The following SORL1 variants were observed in gnomAD, a reference collection of about 807,000 sequenced individuals.
SORL1 encodes sortilin related receptor 1.
In SORL1, 127 loss-of-function variants were observed where a neutral mutation model predicts 273.7. The observed-to-expected ratio is 0.46, with a 90% confidence interval of 0.40 to 0.54. The LOEUF is 0.54. Ranked by LOEUF, SORL1 falls within the 20% of genes least tolerant of loss-of-function variation. SORL1 has a pLI of 0.00. For synonymous variants in SORL1, 1,031 were observed against 1,067.4 expected, an observed-to-expected ratio of 0.97 and a Z score of 0.66; for missense variants, 2,494 against 2,846.1, an observed-to-expected ratio of 0.88 and a Z score of 2.81.
At chr11:121,570,014 C>T (rs999304500) in intron 22 of SORL1, 143 bp from the exon 23 acceptor site, 11 of 514,122 alleles carry the variant, frequency 2.1e-5, no homozygotes, top group African/African-American at 1.4e-4. Flanking sequence ...TGTGAAATAT[C>T]GGGGGTGAAT....
chr11:121,489,830 C>T (rs1012334660), intron 4 of SORL1, among the ~76,000 whole-genome samples: 4 of 152,180 alleles, frequency 2.6e-5, no homozygotes, highest in Admixed American at 1.3e-4. Flanking sequence ...TTTTTCCTTC[C>T]AGTTGCTATT....
intron 22 of SORL1, among the ~76,000 whole-genome samples, chr11:121,569,773 T>G (rs1862809163): frequency 6.6e-6 from 1 of 152,200 alleles, no homozygotes; most frequent in Non-Finnish European, 1.5e-5. Flanking sequence ...TGTGATATTC[T>G]ATTACCTTGT....
rs2134842292 is a variant in SORL1, at chr11:121,511,362, T to A, written c.940-1641T>A. Among the ~76,000 whole-genome samples, 2 of 152,270 alleles carry A rather than the reference T, an allele frequency of 1.3e-5. 1 individual carries two copies. On this transcript the variant is annotated intron_variant, in intron 6 of 47. Transcript: ENST00000260197. ...TTAAAGTTATACTCACAGTTGGAAG[T>A]CGTAAAAAACAAAGCATAAAAATGT...
At chr11:121,547,633 T>C (rs1388770722) in intron 14 of SORL1, among the ~76,000 whole-genome samples, 1 of 151,742 alleles carries the variant, frequency 6.6e-6, no homozygotes, top group Non-Finnish European at 1.5e-5. Context: ...TGGAGTTGGG[T>C]TGCAGGCCAA....
At chr11:121,603,053 C>A (rs566823487) in intron 32 of SORL1, among the ~76,000 whole-genome samples, 1 of 152,238 alleles carries the variant, frequency 6.6e-6, no homozygotes, top group Non-Finnish European at 1.5e-5. Flanking sequence ...AGAAAAGGGT[C>A]TCTGCTTTTA....
intron 1 of SORL1, among the ~76,000 whole-genome samples, chr11:121,464,178 T>C (rs1193913091): frequency 6.6e-6 from 1 of 152,224 alleles, no homozygotes; most frequent in Non-Finnish European, 1.5e-5. Flanking sequence ...TTGTGAGGAC[T>C]GCAAGCTGTG....
intron 6 of SORL1, among the ~76,000 whole-genome samples, chr11:121,508,300 T>G (rs755988790): frequency 6.6e-6 from 1 of 152,240 alleles, no homozygotes; most frequent in Non-Finnish European, 1.5e-5. Context: ...CTTGACCTTG[T>G]AGAGTCCCAG....
rs368798410 is a variant in SORL1, at chr11:121,627,652, G to A, written c.6462G>A (p.Gly2154=). 3 of 1,614,040 alleles carry A rather than the reference G, an allele frequency of 1.9e-6. No homozygotes were observed. The highest frequency in any genetic ancestry group is 2.5e-6 in the Non-Finnish European group (3 of 1,180,014). Reference sequence around the variant, plus strand: ...TGATACTGCTGAGCCTGGGGGTGGGGTTTGCCATCCTGTACACGAAGCACC... The same window carrying A: ...TGATACTGCTGAGCCTGGGGGTGGGATTTGCCATCCTGTACACGAAGCACC... ...LFLILLSLGV[G]FAILYTKHRR... Residue 2154 remains glycine (G), a synonymous_variant, in exon 47 of 48, where the codon GGG becomes GGA. Coordinates refer to ENST00000260197, the MANE Select transcript of SORL1 (RefSeq NM_003105.6). The surrounding 1 kb of genome is among the most constrained non-coding windows in gnomAD (Gnocchi z 4.9).
At chr11:121,512,925 C>G (rs1861899666) in intron 6 of SORL1, 78 bp from the exon 7 acceptor site, 1 of 967,972 alleles carries the variant, frequency 1.0e-6, no homozygotes, top group African/African-American at 1.6e-5. Flanking sequence ...GAATCTGACT[C>G]TTCTATTTTT....
In SORL1 at chr11:121,555,288, C is replaced by T. The variant is rs1862561143; in HGVS notation, c.2541C>T (p.Tyr847=). Reference sequence around the variant, plus strand: ...TTGAACCCCTCAGCCAGCTGCTTTACTGGGTAGATGCAGGCTTCAAAAAGA... The same window carrying T: ...TTGAACCCCTCAGCCAGCTGCTTTATTGGGTAGATGCAGGCTTCAAAAAGA... ...LAFEPLSQLL[Y]WVDAGFKKIE... is the part of the protein sequence containing the mutation. Residue 847 remains tyrosine, a synonymous_variant, in exon 18 of 48, where the codon TAC becomes TAT. Coordinates refer to ENST00000260197, the MANE Select transcript of SORL1 (RefSeq NM_003105.6). 3 of 1,613,946 alleles carry T rather than the reference C, an allele frequency of 1.9e-6. No individual in the cohort carries two copies. Among genetic ancestry groups the T allele is most frequent in the Non-Finnish European group, 2.5e-6 (3 of 1,179,916 alleles).
At chr11:121,511,897 T>A (rs568525005) in intron 6 of SORL1, among the ~76,000 whole-genome samples, 1 of 152,344 alleles carries the variant, frequency 6.6e-6, no homozygotes, top group African/African-American at 2.4e-5. Flanking sequence ...TAGTCAAGGA[T>A]AAGTGAAGCC....
chr11:121,516,578 C>T (rs1011777073), intron 8 of SORL1, among the ~76,000 whole-genome samples: 1 of 152,154 alleles, frequency 6.6e-6, no homozygotes, highest in African/African-American at 2.4e-5. Flanking sequence ...TGTTTCTTCT[C>T]TTTTGGAGGT....
chr11:121,576,462 G>A (rs1862933158), intron 24 of SORL1, among the ~76,000 whole-genome samples: 1 of 152,146 alleles, frequency 6.6e-6, no homozygotes. Flanking sequence ...CCTCACAGGG[G>A]TCCCATCTCT....
In SORL1 at chr11:121,509,426, A is replaced by G. The variant is rs575439027; in HGVS notation, c.940-3577A>G. 7.9e-5 allele frequency among the ~76,000 whole-genome samples: 12 copies of G among 152,230 alleles called. No homozygotes were observed. The South Asian group carries it at 2.5e-3, about 32-fold the overall frequency. On this transcript the variant is annotated intron_variant, in intron 6 of 47. Coordinates refer to ENST00000260197, the MANE Select transcript of SORL1 (RefSeq NM_003105.6). Reference sequence around the variant, plus strand: ...CTTTTTGCTCTTGACACAATCTCAAATATAAATGGAAATTCAGGTTATTCA... The same window carrying G: ...CTTTTTGCTCTTGACACAATCTCAAGTATAAATGGAAATTCAGGTTATTCA...
rs1250354930 is a variant in SORL1 at position 121,567,004 on chromosome 11, A to C, written c.3114A>C (p.Arg1038Ser). The C allele has an allele frequency of 6.2e-7, 1 of 1,614,036 alleles. No homozygotes were observed. Among genetic ancestry groups the C allele is most frequent in the African/African-American group, 1.3e-5 (1 of 74,954 alleles). Residue 1038 changes from arginine to serine, a missense_variant, in exon 22 of 48, where the codon AGA becomes AGC. This residue lies in a region of SORL1 where 1,609 missense variants were observed against 1,816.4 expected (regional missense o/e 0.89). Coordinates refer to ENST00000260197, the MANE Select transcript of SORL1 (RefSeq NM_003105.6). ...LLCLPKANNS[R>S]SCRCPEDVSS... ...GCCTGCCCAAGGCCAACAACAGTAG[A>C]AGCTGCAGGTGTCCAGAGGATGTGT...
In SORL1 at chr11:121,481,687, C is replaced by T. The variant is rs1861390240; in HGVS notation, c.528+3444C>T. Among the ~76,000 whole-genome samples the T allele has an allele frequency of 3.8e-5, 5 of 131,040 alleles. 1 individual carries two copies. The highest frequency in any genetic ancestry group is 6.5e-5 in the Non-Finnish European group (4 of 61,554). The allele number at this position is 131,040 out of a possible 152,430, so 86.0% of individuals were successfully genotyped here. On this transcript the variant is annotated intron_variant, in intron 3 of 47. Coordinates refer to ENST00000260197, the MANE Select transcript of SORL1 (RefSeq NM_003105.6). ...GGTTCCATCTCCTCCTCCCCAGCTC[C>T]TCCCCTAGTGCACAGATACCTATAG...
chr11:121,605,222 A>G lies in SORL1; in HGVS notation c.4761A>G (p.Val1587=). The G allele has an allele frequency of 6.2e-7, 1 of 1,613,052 alleles. No homozygotes were observed. The highest frequency in any genetic ancestry group is 8.5e-7 in the Non-Finnish European group (1 of 1,179,674). ...AAAAAATGCCCTCTGCTTCTTGTGTATATAATGTCTACTACAGGTAGGTCC... is the reference window on the plus strand; with the variant it reads ...AAAAAATGCCCTCTGCTTCTTGTGTGTATAATGTCTACTACAGGTAGGTCC... ...RPKKMPSASC[V]YNVYYRVVGE... The change falls in exon 34 of 48, where the codon GTA becomes GTG. Residue 1587 remains valine, a synonymous_variant. Coordinates refer to ENST00000260197, the MANE Select transcript of SORL1 (RefSeq NM_003105.6).
chr11:121,615,138 T>C, intron 41 of SORL1, 83 bp downstream of exon 41: 1 of 1,213,406 alleles, frequency 8.2e-7, no homozygotes, highest in Admixed American at 2.8e-5. Context: ...AGGGCTTTTC[T>C]CTCTTTTGCA....
At chr11:121,470,741 C>G (rs1342914346) in intron 2 of SORL1, among the ~76,000 whole-genome samples, 1 of 152,018 alleles carries the variant, frequency 6.6e-6, no homozygotes, top group Non-Finnish European at 1.5e-5. Context: ...GTGGTGTGAT[C>G]TTGGCTCACT....
Sources: allele counts gnomAD v4.1 joint callset (sites outside exome capture counted in the v4.1 genomes callset), GRCh38; gene constraint gnomAD v4.1.1; regional missense constraint gnomAD v4.1.1; non-coding constraint Gnocchi (gnomAD v3.1); transcripts MANE v1.5; gene names NCBI Gene and HGNC (gene_info 2026-07-23, HGNC 2026-07-21).